The following BAHCC1 variants were observed in gnomAD, a reference collection of about 807,000 sequenced individuals.
The protein encoded by BAHCC1 is BAH and coiled-coil domain-containing protein 1.
A neutral mutation model predicts 88.2 loss-of-function variants in BAHCC1; 43 were observed. That is an observed-to-expected ratio of 0.49 (90% CI 0.38 to 0.63). The LOEUF is 0.63. BAHCC1 is among the 20% of genes least tolerant of loss of function. The pLI, the probability that BAHCC1 is intolerant of heterozygous loss-of-function variation, is 0.00. For synonymous variants in BAHCC1, 1,510 were observed against 745.5 expected (o/e 2.03, Z -16.71); for missense variants, 3,023 against 1,654.8 (o/e 1.83, Z -14.34).
Position 81,403,196 on chromosome 17 carries a change from C to G in BAHCC1, c.178+3279C>G, listed in dbSNP as rs115752249. On this transcript the variant is annotated intron_variant, in intron 2 of 27. Coordinates refer to ENST00000675386, the MANE Select transcript of BAHCC1 (RefSeq NM_001377448.1). ...GGAGAGGCCCACATAGACAGCCCCC[C>G]GTCCTGGCTTCTGGCTGGGCCCGCT... Among the ~76,000 whole-genome samples, 798 of 152,324 alleles carry G rather than the reference C, an allele frequency of 5.2e-3. 7 individuals carry two copies. The highest frequency in any genetic ancestry group is 0.018 in the African/African-American group (759 of 41,578).
Position 81,458,372 on chromosome 17 carries a change from G to A in BAHCC1, c.5249G>A (p.Arg1750Gln), listed in dbSNP as rs112170026. The change falls in exon 18 of 28, where the codon CGG becomes CAG. Residue 1750 changes from arginine (R) to glutamine (Q), a missense_variant. Arg to Gln is a conservative substitution (Grantham distance 43, BLOSUM62 1). Coordinates refer to ENST00000675386, the MANE Select transcript of BAHCC1 (RefSeq NM_001377448.1). ...PSRDALFNPS[R>Q]AFACREEGSQ... The stretch of plus-strand genomic sequence containing the variant: ...AGGGACGCCCTCTTCAACCCCTCTC[G>A]GGCCTTCGCCTGCCGTGAGGAGGGC... 3,229 of 725,952 alleles carry A rather than the reference G, an allele frequency of 4.4e-3. 106 individuals carry two copies. The African/African-American group carries it at 0.049, about 11-fold the overall frequency. The allele number at this position is 725,952 out of a possible 1,614,324, so 45.0% of individuals were successfully genotyped here.
At chr17:81,457,228 G>A (rs933301618) in intron 16 of BAHCC1, among the ~76,000 whole-genome samples, 182 bp from the exon 17 acceptor site, 1 of 152,118 alleles carries the variant, frequency 6.6e-6, no homozygotes, top group Non-Finnish European at 1.5e-5. Context: ...ATCCCTTCAG[G>A]CTGGAGGCCA....
intron 2 of BAHCC1, chr17:81,400,999 G>A (rs1028742620): frequency 6.6e-6 from 1 of 152,332 alleles, no homozygotes; most frequent in Non-Finnish European, 1.5e-5. Flanking sequence ...CATCAGAAAT[G>A]TTTGTCGCTT....
chr17:81,460,137 C>G, intron 23 of BAHCC1, 140 bp from the exon 24 acceptor site: 1 of 622,894 alleles, frequency 1.6e-6, no homozygotes. Flanking sequence ...GGCTGCAGGG[C>G]GGCTCCACTG....
At chr17:81,397,882 G>A (rs1361734788) in intron 1 of BAHCC1, among the ~76,000 whole-genome samples, 3 of 152,188 alleles carry the variant, frequency 2.0e-5, no homozygotes, top group African/African-American at 7.2e-5. Context: ...AAAGCTCTCC[G>A]AATAAATATT....
chr17:81,458,597 CCTTCTCTGCCT>C lies in BAHCC1; in HGVS notation c.5344-23_5344-13del. 1 of 707,924 alleles carries C rather than the reference CCTTCTCTGCCT, an allele frequency of 1.4e-6. No homozygotes were observed. The highest frequency in any genetic ancestry group is 2.6e-6 in the Non-Finnish European group (1 of 381,088). The allele number at this position is 707,924 out of a possible 1,614,324, so 43.9% of individuals were successfully genotyped here. On this transcript the variant is annotated splice_polypyrimidine_tract_variant and intron_variant, in intron 18 of 27. Coordinates refer to ENST00000675386, the MANE Select transcript of BAHCC1 (RefSeq NM_001377448.1). ...AGGCTGTCCCACCCTTGACTCAGCC[CCTTCTCTGCCT>C]GCCCACGCGCAGCGGAAGAACGGGG...
chr17:81,444,963 C>T (rs531268387), intron 8 of BAHCC1, 52 bp from the exon 9 acceptor site: 41 of 693,842 alleles, frequency 5.9e-5, no homozygotes, highest in African/African-American at 2.3e-4. Context: ...GAAGCAGCCC[C>T]GGAGCTGTCC....
rs781992152 is a variant in BAHCC1 at position 81,442,300 on chromosome 17, C to T, written c.951C>T (p.Ser317=). 21 of 650,098 alleles carry T rather than the reference C, an allele frequency of 3.2e-5. No individual in the cohort carries two copies. The highest frequency in any genetic ancestry group is 1.1e-4 in the East Asian group (4 of 36,356). The allele number at this position is 650,098 out of a possible 1,614,324, so 40.3% of individuals were successfully genotyped here. A position where few individuals can be genotyped will look rare whatever the true frequency, so the allele number is the denominator to read the frequency against. Residue 317 remains serine, a synonymous_variant, in exon 5 of 28, where the codon TCC becomes TCT. Transcript: ENST00000675386. ...GGCCTGGCACGGGGGTGGTGACCTC[C>T]GGGCGCTGTGCAAAGGAGGCAGCAG... is the stretch of plus-strand genomic sequence containing the variant. ...LGRPGTGVVT[S]GRCAKEAAGP...
At chr17:81,424,487 G>A (rs1336338535) in intron 2 of BAHCC1, among the ~76,000 whole-genome samples, 1 of 152,254 alleles carries the variant, frequency 6.6e-6, no homozygotes, top group Non-Finnish European at 1.5e-5. Flanking sequence ...CACCCACCTG[G>A]GTGGTAGTGG....
At chr17:81,430,500 G>A (rs1343751154) in intron 3 of BAHCC1, among the ~76,000 whole-genome samples, 1 of 152,294 alleles carries the variant, frequency 6.6e-6, no homozygotes, top group African/African-American at 2.4e-5. Context: ...TACGCATGCC[G>A]AGCACTCCCT....
intron 15 of BAHCC1, among the ~76,000 whole-genome samples, chr17:81,455,925 G>A (rs1337660898): frequency 6.6e-6 from 1 of 152,140 alleles, no homozygotes; most frequent in Non-Finnish European, 1.5e-5. Flanking sequence ...TGAGACGTGG[G>A]CCCCAGCATA....
intron 18 of BAHCC1, 76 bp downstream of exon 18, chr17:81,458,542 A>ACTCCCCCGCC (rs2029941013): frequency 1.5e-6 from 1 of 669,326 alleles, no homozygotes; most frequent in Non-Finnish European, 2.8e-6. Flanking sequence ...CCTCCCCCGC[A>ACTCCCCCGCC]CGCTGGCCCC....
In BAHCC1 at chr17:81,420,913, C is replaced by T. The variant is rs562606788; in HGVS notation, c.179-5887C>T. ...GGCCAGGGTGCCCTGACCATGCACG[C>T]GGGTGGGGACAGGCCGTGTTCAGCC... On this transcript the variant is annotated intron_variant, in intron 2 of 27. Transcript: ENST00000675386. Among the ~76,000 whole-genome samples, 5 of 152,352 alleles carry T rather than the reference C, an allele frequency of 3.3e-5. No homozygotes were observed. The East Asian group carries it at 7.7e-4, about 24-fold the overall frequency.
intron 3 of BAHCC1, among the ~76,000 whole-genome samples, chr17:81,436,186 A>T (rs1046689890): frequency 1.1e-4 from 16 of 152,000 alleles, no homozygotes; most frequent in Non-Finnish European, 2.4e-4. Context: ...GGACCCAAGC[A>T]GGCAAGGATG....
In BAHCC1 at chr17:81,399,128, A is replaced by AGTGTGTGTGT. The variant is rs375191474; in HGVS notation, c.-206-390_-206-381dup. ...GGGGAGGGGAGAGGGTGTGCGTGTG[A>AGTGTGTGTGT]GTGTGTGTGTGTGTGTGTGTGTGTG... On this transcript the variant is annotated intron_variant, in intron 1 of 27. Coordinates refer to ENST00000675386, the MANE Select transcript of BAHCC1 (RefSeq NM_001377448.1). The surrounding 1 kb of genome is among the most constrained non-coding windows in gnomAD (Gnocchi z 4.5). 397 of 231,852 alleles carry AGTGTGTGTGT rather than the reference A, an allele frequency of 1.7e-3. 2 individuals are homozygous for AGTGTGTGTGT. Among genetic ancestry groups the AGTGTGTGTGT allele is most frequent in the African/African-American group, 6.2e-3 (237 of 38,186 alleles). The allele number at this position is 231,852 out of a possible 1,614,324, so 14.4% of individuals were successfully genotyped here.
rs782099738 is a variant in BAHCC1, at chr17:81,461,255, G to GGGC, written c.6601_6603dup (p.Arg2201dup). ...CGAGAGGGTGGAGGCCGAGAAGGGT[G>GGGC]GGCGGCGGCGGGCGGGCGGTGAGTT... is the stretch of plus-strand genomic sequence containing the variant. On this transcript the variant is annotated inframe_insertion, in exon 26 of 28. Coordinates refer to ENST00000675386, the MANE Select transcript of BAHCC1 (RefSeq NM_001377448.1). The GGGC allele has an allele frequency of 4.3e-6, 3 of 696,690 alleles. No individual in the cohort carries two copies. The highest frequency in any genetic ancestry group is 3.1e-5 in the South Asian group (2 of 64,042). 43.2% of individuals were successfully genotyped at this position (696,690 alleles called of 1,614,324 possible). A position where few individuals can be genotyped will look rare whatever the true frequency, so the allele number is the denominator to read the frequency against.
chr17:81,461,972 G>A lies in BAHCC1; in HGVS notation c.7309G>A (p.Val2437Met), dbSNP rs370606127. 1.0e-5 allele frequency: 8 copies of A among 774,890 alleles called. No individual in the cohort carries two copies. The highest frequency in any genetic ancestry group is 2.4e-5 in the East Asian group (1 of 41,066). 48.0% of individuals were successfully genotyped at this position (774,890 alleles called of 1,614,324 possible). ...CTCCCGGAGGCAGCGGCCGCCCTCC[G>A]TGGAAAACCGGCCAAAGATCTCAGC... ...ELSRRQRPPS[V>M]ENRPKISAFL... Residue 2437 changes from valine (V) to methionine (M), a missense_variant, in exon 26 of 28, where the codon GTG becomes ATG. By Grantham distance (21) the Val-to-Met change is conservative. Coordinates refer to ENST00000675386, the MANE Select transcript of BAHCC1 (RefSeq NM_001377448.1).
At position 81,445,513 on chromosome 17, in the gene BAHCC1, C is replaced by T. The variant is rs1457082733; in HGVS notation, c.2995C>T (p.Pro999Ser). 2 of 736,204 alleles carry T rather than the reference C, an allele frequency of 2.7e-6. No homozygotes were observed. The highest frequency in any genetic ancestry group is 3.8e-5 in the Admixed American group (2 of 53,228). 45.6% of individuals were successfully genotyped at this position (736,204 alleles called of 1,614,324 possible). ...KLPPCCHPPD[P>S]KPPASSPTPP... ...GCCACCTTGCTGCCATCCGCCCGAC[C>T]CAAAGCCCCCCGCCAGCTCCCCCAC... Residue 999 changes from proline to serine, a missense_variant, in exon 10 of 28, where the codon CCA (proline) becomes TCA (serine). Pro to Ser is a moderately conservative substitution (Grantham distance 74). Coordinates refer to ENST00000675386, the MANE Select transcript of BAHCC1 (RefSeq NM_001377448.1).
In BAHCC1 at chr17:81,462,744, G is replaced by A. The variant is rs782014796; in HGVS notation, c.7388G>A (p.Arg2463His). 6.6e-6 allele frequency: 5 copies of A among 756,234 alleles called. No homozygotes were observed. The highest frequency in any genetic ancestry group is 1.7e-5 in the African/African-American group (1 of 58,880). The allele number at this position is 756,234 out of a possible 1,614,324, so 46.8% of individuals were successfully genotyped here. A position where few individuals can be genotyped will look rare whatever the true frequency, so the allele number is the denominator to read the frequency against. ...CCCTGCCCATGTCCCCCACAGCGGC[G>A]TGGCATGAAGGGGAAGGCCCGGAAG... Reference protein sequence around the residue: ...WKWSGNPTQRRGMKGKARKLF... With the variant: ...WKWSGNPTQRHGMKGKARKLF... The change falls in exon 27 of 28, where the codon CGT becomes CAT. Residue 2463 changes from arginine to histidine, a missense_variant. Physicochemically the swap from Arg to His is conservative, Grantham distance 29 (BLOSUM62 0). Coordinates refer to ENST00000675386, the MANE Select transcript of BAHCC1 (RefSeq NM_001377448.1).
Sources: allele counts gnomAD v4.1 joint callset (sites outside exome capture counted in the v4.1 genomes callset), GRCh38; gene constraint gnomAD v4.1.1; non-coding constraint Gnocchi (gnomAD v3.1); transcripts MANE v1.5; gene names NCBI Gene and HGNC (gene_info 2026-07-23, HGNC 2026-07-21).